The following TNFRSF19 variants were observed in gnomAD, a reference collection of about 807,000 sequenced individuals.
TNFRSF19 encodes the protein tumor necrosis factor receptor superfamily member 19.
Under a neutral mutation model 46.4 loss-of-function variants are expected in TNFRSF19, and 27 were observed. The observed-to-expected ratio is 0.58, with a 90% CI of 0.43 to 0.80. The LOEUF is 0.80. Among genes scored for constraint, TNFRSF19 ranks in the 30% least tolerant of loss-of-function variants. The pLI is 0.00. For missense variants in TNFRSF19, 511 were observed against 530.8 expected (o/e 0.96, Z 0.37); for synonymous variants, 204 against 205.0 (o/e 1.00, Z 0.04).
chr13:23,664,807 C>G (rs997514208), intron 7 of TNFRSF19, among the ~76,000 whole-genome samples: 1 of 152,184 alleles, frequency 6.6e-6, no homozygotes, highest in Non-Finnish European at 1.5e-5. Flanking sequence ...GCCCATTGCC[C>G]TAGGCTACAA....
chr13:23,607,348 C>T (rs1352185842), intron 3 of TNFRSF19, among the ~76,000 whole-genome samples: 3 of 152,034 alleles, frequency 2.0e-5, no homozygotes, highest in Admixed American at 2.0e-4. Flanking sequence ...GCAGGAGAAT[C>T]GCTTGAGTCT....
At chr13:23,652,471 G>T (rs1485897471) in intron 5 of TNFRSF19, among the ~76,000 whole-genome samples, 1 of 152,188 alleles carries the variant, frequency 6.6e-6, no homozygotes, top group Non-Finnish European at 1.5e-5. Context: ...AGATCCTTCT[G>T]TGATGACTCC....
chr13:23,655,605 A>G (rs945984049), intron 5 of TNFRSF19, among the ~76,000 whole-genome samples: 1 of 152,316 alleles, frequency 6.6e-6, no homozygotes, highest in Non-Finnish European at 1.5e-5. Context: ...TCTCAGTATC[A>G]TTGCCACAGG....
At chr13:23,582,613 G>A (rs899957825) in intron 1 of TNFRSF19, among the ~76,000 whole-genome samples, 1 of 152,142 alleles carries the variant, frequency 6.6e-6, no homozygotes, top group Non-Finnish European at 1.5e-5. Flanking sequence ...AATTAGGTAA[G>A]TTTTGACATA....
intron 5 of TNFRSF19, among the ~76,000 whole-genome samples, chr13:23,635,169 A>G (rs576404935): frequency 6.6e-6 from 1 of 152,228 alleles, no homozygotes; most frequent in Admixed American, 6.5e-5. Context: ...GTGAACTCCG[A>G]GGGACAGGAT....
intron 4 of TNFRSF19, among the ~76,000 whole-genome samples, chr13:23,624,321 C>T (rs1983958): frequency 0.2 from 30,788 of 151,020 alleles, 3,767 homozygotes; most frequent in East Asian, 0.3. Context: ...TATGAGTCCT[C>T]GAACTTTGTT....
intron 5 of TNFRSF19, 70 bp downstream of exon 5, chr13:23,626,862 G>A (rs1882049899): frequency 2.0e-6 from 3 of 1,504,972 alleles, no homozygotes; most frequent in African/African-American, 2.8e-5. Context: ...ATTTGTAAAC[G>A]TTTCTTCTCT....
intron 1 of TNFRSF19, among the ~76,000 whole-genome samples, chr13:23,575,539 G>A (rs1048966599): frequency 4.6e-5 from 7 of 152,210 alleles, no homozygotes; most frequent in African/African-American, 9.6e-5. Flanking sequence ...AGTGGGTATC[G>A]GGAATTACTT....
intron 1 of TNFRSF19, among the ~76,000 whole-genome samples, chr13:23,586,311 TAGAA>T (rs1361676569): frequency 1.4e-5 from 2 of 145,670 alleles, no homozygotes; most frequent in African/African-American, 5.1e-5. Context: ...ACAAAAAGGC[TAGAA>T]AGAGAGAGGA....
In TNFRSF19 at chr13:23,591,410, G is replaced by A. The variant is rs921764675; in HGVS notation, c.69+1158G>A. ...GGAGGTTTCAGTGAGCTGAGATCAC[G>A]CCACTGCACTCTAGCCTGGGCAACA... On this transcript the variant is annotated intron_variant, in intron 2 of 9. Coordinates refer to ENST00000248484, the MANE Select transcript of TNFRSF19 (RefSeq NM_148957.4). 2.2e-4 allele frequency among the ~76,000 whole-genome samples: 33 copies of A among 152,084 alleles called. No individual in the cohort carries two copies. The Middle Eastern group carries it at 0.01, about 47-fold the overall frequency.
At chr13:23,602,168 A>T (rs1289469262) in intron 3 of TNFRSF19, among the ~76,000 whole-genome samples, 1 of 152,140 alleles carries the variant, frequency 6.6e-6, no homozygotes, top group Non-Finnish European at 1.5e-5. Context: ...AAGTAAGTGG[A>T]TGGAGAAATA....
At chr13:23,610,586 G>T (rs1397622269) in intron 3 of TNFRSF19, among the ~76,000 whole-genome samples, 2 of 152,086 alleles carry the variant, frequency 1.3e-5, no homozygotes, top group African/African-American at 4.8e-5. Flanking sequence ...CCTTGCTGGG[G>T]CCGTTACAAG....
intron 9 of TNFRSF19, 32 bp downstream of exon 9, chr13:23,669,129 A>G (rs1565957043): frequency 1.9e-6 from 3 of 1,604,394 alleles, no homozygotes; most frequent in African/African-American, 2.7e-5. Flanking sequence ...CTGTGAACAC[A>G]GCACTGACTT....
chr13:23,645,462 A>C (rs1234981761), intron 5 of TNFRSF19, among the ~76,000 whole-genome samples: 1 of 152,168 alleles, frequency 6.6e-6, no homozygotes, highest in Non-Finnish European at 1.5e-5. Context: ...TTGGCCTCCC[A>C]AAGTGCTGGG....
intron 3 of TNFRSF19, chr13:23,594,166 A>C: frequency 2.3e-6 from 1 of 435,464 alleles, no homozygotes; most frequent in Non-Finnish European, 4.6e-6. Context: ...TAAGCACAAA[A>C]CTGGGCAGCT....
intron 5 of TNFRSF19, among the ~76,000 whole-genome samples, chr13:23,649,513 T>G (rs919130292): frequency 2.0e-5 from 3 of 151,292 alleles, no homozygotes; most frequent in African/African-American, 7.3e-5. Flanking sequence ...TCAACTTTTG[T>G]TTTTTTCTTC....
intron 9 of TNFRSF19, among the ~76,000 whole-genome samples, 166 bp from the exon 10 acceptor site, chr13:23,673,206 G>A (rs1486683293): frequency 6.6e-6 from 1 of 152,208 alleles, no homozygotes; most frequent in Non-Finnish European, 1.5e-5. Flanking sequence ...TACATGGGTA[G>A]CTGGATATTT....
chr13:23,578,400 C>T (rs1878112319), intron 1 of TNFRSF19, among the ~76,000 whole-genome samples: 1 of 152,184 alleles, frequency 6.6e-6, no homozygotes, highest in Non-Finnish European at 1.5e-5. Flanking sequence ...ACATTGTTCA[C>T]AAGTACCTAG....
chr13:23,645,524 A>G (rs775325019), intron 5 of TNFRSF19, among the ~76,000 whole-genome samples: 1 of 152,172 alleles, frequency 6.6e-6, no homozygotes, highest in Non-Finnish European at 1.5e-5. Flanking sequence ...CTTATTTAAG[A>G]ATCAGAAGAA....
Sources: allele counts gnomAD v4.1 joint callset (sites outside exome capture counted in the v4.1 genomes callset), GRCh38; gene constraint gnomAD v4.1.1; transcripts MANE v1.5; gene names NCBI Gene and HGNC (gene_info 2026-07-23, HGNC 2026-07-21).